NELL1: variants seen among roughly 807,000 people sequenced by gnomAD.
NELL1 encodes the protein neural EGFL like 1.
Under a neutral mutation model 107.4 loss-of-function variants are expected in NELL1, and 76 were observed. That is an observed-to-expected ratio of 0.71 (90% confidence interval 0.59 to 0.86). The LOEUF (loss-of-function observed/expected upper bound fraction) is 0.86, where lower values mean the gene tolerates loss of function less well. Among genes scored for constraint, NELL1 ranks in the 40% least tolerant of loss-of-function variants. The pLI, the probability that NELL1 is intolerant of heterozygous loss-of-function variation, is 0.00. For synonymous variants in NELL1, 353 were observed against 341.2 expected (o/e 1.03, Z -0.38); for missense variants, 1,024 against 1,005.5 (o/e 1.02, Z -0.25).
At chr11:21,208,761 G>A (rs1280335393) in intron 13 of NELL1, among the ~76,000 whole-genome samples, 1 of 152,080 alleles carries the variant, frequency 6.6e-6, no homozygotes, top group African/African-American at 2.4e-5. Flanking sequence ...ATGTAAAAGT[G>A]GTCCAAGCTG....
At chr11:20,905,407 C>T (rs1849973983) in intron 5 of NELL1, among the ~76,000 whole-genome samples, 1 of 152,012 alleles carries the variant, frequency 6.6e-6, no homozygotes, top group African/African-American at 2.4e-5. Context: ...TATTGTCATT[C>T]AAAGGAACAA....
chr11:20,725,717 G>A (rs906588528), intron 2 of NELL1, among the ~76,000 whole-genome samples: 2 of 152,102 alleles, frequency 1.3e-5, no homozygotes, highest in African/African-American at 4.8e-5. Flanking sequence ...TAGTTTTGAT[G>A]TTTTCTGATC....
chr11:21,132,686 G>T (rs1855649548), intron 13 of NELL1, among the ~76,000 whole-genome samples: 1 of 152,116 alleles, frequency 6.6e-6, no homozygotes, highest in South Asian at 2.1e-4. Flanking sequence ...CCCCAAAGAA[G>T]ATGCTACAGC....
At chr11:20,709,469 A>C (rs867196315) in intron 2 of NELL1, among the ~76,000 whole-genome samples, 1 of 152,168 alleles carries the variant, frequency 6.6e-6, no homozygotes, top group African/African-American at 2.4e-5. Context: ...GAAGTTGAGT[A>C]ATGTGATGCC....
chr11:21,362,133 A>C (rs1851090122), intron 14 of NELL1, among the ~76,000 whole-genome samples: 1 of 152,068 alleles, frequency 6.6e-6, no homozygotes, highest in Non-Finnish European at 1.5e-5. Context: ...AATTCAGTGG[A>C]GAGGTCTGAA....
At chr11:21,294,187 T>A (rs566239012) in intron 14 of NELL1, among the ~76,000 whole-genome samples, 1 of 152,258 alleles carries the variant, frequency 6.6e-6, no homozygotes, top group East Asian at 1.9e-4. Flanking sequence ...CTTGACTGTT[T>A]CCCTCCTACA....
intron 12 of NELL1, among the ~76,000 whole-genome samples, chr11:21,056,782 T>G (rs951660446): frequency 6.6e-6 from 1 of 152,134 alleles, no homozygotes; most frequent in African/African-American, 2.4e-5. Context: ...ATAGAAGTAC[T>G]GAATTTTAGA....
At chr11:20,928,251 A>G (rs1023352859) in intron 8 of NELL1, 126 bp from the exon 9 acceptor site, 4 of 845,352 alleles carry the variant, frequency 4.7e-6, no homozygotes, top group Non-Finnish European at 8.1e-6. Flanking sequence ...CCTGGAGTGG[A>G]CTGGGAATTC....
chr11:21,164,534 C>T (rs1006066476), intron 13 of NELL1, among the ~76,000 whole-genome samples: 1 of 152,114 alleles, frequency 6.6e-6, no homozygotes, highest in Admixed American at 6.6e-5. Flanking sequence ...GTCCTGTTTT[C>T]TCCTGCCTTT....
chr11:21,433,073 C>T (rs1853008499), intron 15 of NELL1, among the ~76,000 whole-genome samples: 1 of 152,134 alleles, frequency 6.6e-6, no homozygotes, highest in Non-Finnish European at 1.5e-5. Flanking sequence ...TCTATGAACT[C>T]ATTCTTTTAG....
chr11:20,788,777 A>G (rs327042), intron 3 of NELL1, among the ~76,000 whole-genome samples: 7,027 of 151,752 alleles, frequency 0.046, 507 homozygotes, highest in African/African-American at 0.16. Flanking sequence ...AGTTACTCCT[A>G]TGTTTTCTTC....
At chr11:21,087,792 T>G (rs1445943825) in intron 12 of NELL1, among the ~76,000 whole-genome samples, 10 of 152,194 alleles carry the variant, frequency 6.6e-5, no homozygotes, top group Non-Finnish European at 1.5e-4. Flanking sequence ...TATAGCTGAT[T>G]GTTTTTGTAA....
intron 1 of NELL1, among the ~76,000 whole-genome samples, chr11:20,672,486 T>C (rs981616771): frequency 8.5e-5 from 13 of 152,340 alleles, no homozygotes; most frequent in Non-Finnish European, 1.8e-4. Context: ...ATAGGTGTCA[T>C]GAGGAGCTGC....
chr11:21,128,310 T>C (rs150294399), intron 13 of NELL1, among the ~76,000 whole-genome samples: 1 of 152,330 alleles, frequency 6.6e-6, no homozygotes, highest in East Asian at 1.9e-4. Flanking sequence ...ACTGAATTAT[T>C]TGTCCTTTAA....
At chr11:20,897,165 C>T (rs1849759375) in intron 5 of NELL1, among the ~76,000 whole-genome samples, 1 of 152,176 alleles carries the variant, frequency 6.6e-6, no homozygotes, top group South Asian at 2.1e-4. Context: ...TCAAACTATA[C>T]TACAAAGCTA....
chr11:21,120,990 A>G (rs1048208476), intron 13 of NELL1, among the ~76,000 whole-genome samples: 4 of 152,084 alleles, frequency 2.6e-5, no homozygotes, highest in African/African-American at 9.7e-5. Context: ...CTAATTCTTT[A>G]TGGCAGAGAT....
intron 15 of NELL1, among the ~76,000 whole-genome samples, chr11:21,507,584 T>A (rs1855313773): frequency 6.6e-6 from 1 of 152,092 alleles, no homozygotes; most frequent in South Asian, 2.1e-4. Flanking sequence ...TGAGGTACCT[T>A]AAATATTTTG....
rs1853024656 is a variant in NELL1, at chr11:21,433,543, A to AT, written c.1645+62601dup. Among the ~76,000 whole-genome samples, 3 of 152,020 alleles carry AT rather than the reference A, an allele frequency of 2.0e-5. No homozygotes were observed. The South Asian group carries it at 6.2e-4, about 32-fold the overall frequency. On this transcript the variant is annotated intron_variant, in intron 15 of 19. Transcript: ENST00000357134. ...CTCTGCACCGTCAACAGTATACGTT[A>AT]TTTTTTGTGTTTTTGATAACAGCCA...
At chr11:21,213,197 T>TA (rs527239056) in intron 13 of NELL1, among the ~76,000 whole-genome samples, 4 of 152,042 alleles carry the variant, frequency 2.6e-5, no homozygotes, top group East Asian at 1.9e-4. Context: ...GCTTAACATT[T>TA]AAAAAAACAC....
Sources: allele counts gnomAD v4.1 joint callset (sites outside exome capture counted in the v4.1 genomes callset), GRCh38; gene constraint gnomAD v4.1.1; transcripts MANE v1.5; gene names NCBI Gene and HGNC (gene_info 2026-07-23, HGNC 2026-07-21).